THSD4: variants seen among roughly 807,000 people sequenced by gnomAD.
THSD4 encodes the protein thrombospondin type 1 domain containing 4.
In THSD4, 69 loss-of-function variants were observed where a neutral mutation model predicts 119.0. That is an observed-to-expected ratio of 0.58 (90% CI 0.48 to 0.71). THSD4 has a LOEUF of 0.71. THSD4 is among the 30% of genes least tolerant of loss of function. The pLI is 0.00. For missense variants in THSD4, 1,393 were observed against 1,391.1 expected (o/e 1.00, Z -0.02); for synonymous variants, 524 against 540.4 (o/e 0.97, Z 0.42).
rs142498996 is a variant in THSD4 at position 71,439,419 on chromosome 15, G to A, written c.1152+27596G>A. ...AGGAACACTTTTACACTGTTGGTGG[G>A]AGTGTAAATTAGTTCAACCATTGTG... On this transcript the variant is annotated intron_variant, in intron 7 of 17. Transcript: ENST00000261862. Among the ~76,000 whole-genome samples the A allele has an allele frequency of 8.6e-3, 1,314 of 152,304 alleles. 20 individuals carry two copies. The highest frequency in any genetic ancestry group is 0.03 in the African/African-American group (1,251 of 41,546).
At chr15:71,339,786 A>T (rs547412593) in intron 6 of THSD4, among the ~76,000 whole-genome samples, 2 of 151,542 alleles carry the variant, frequency 1.3e-5, no homozygotes, top group African/African-American at 2.4e-5. Context: ...TTTTTTTGAG[A>T]TGGAGTCTTA....
intron 8 of THSD4, among the ~76,000 whole-genome samples, chr15:71,703,294 A>G (rs55675005): frequency 0.28 from 42,626 of 152,098 alleles, 6,623 homozygotes; most frequent in African/African-American, 0.41. Flanking sequence ...TTCTTATGTG[A>G]TTATCTCATC....
chr15:71,742,654 T>A (rs941420498), intron 11 of THSD4, among the ~76,000 whole-genome samples: 8 of 152,310 alleles, frequency 5.3e-5, no homozygotes, highest in African/African-American at 1.4e-4. Flanking sequence ...AGAGGAATAA[T>A]TGAATTGCAA....
intron 8 of THSD4, among the ~76,000 whole-genome samples, chr15:71,680,559 C>A (rs2051752002): frequency 6.6e-6 from 1 of 152,178 alleles, no homozygotes; most frequent in Non-Finnish European, 1.5e-5. Context: ...ATTGCTAGGT[C>A]CTCCTTAACT....
chr15:71,399,290 T>G (rs183005531), intron 6 of THSD4, among the ~76,000 whole-genome samples: 15 of 152,280 alleles, frequency 9.9e-5, no homozygotes, highest in African/African-American at 3.6e-4. Context: ...TTAATTTATA[T>G]AAAGGGTCTA....
chr15:71,433,800 CTG>C (rs2046971696), intron 7 of THSD4, among the ~76,000 whole-genome samples: 2 of 152,144 alleles, frequency 1.3e-5, no homozygotes, highest in Non-Finnish European at 2.9e-5. Flanking sequence ...TGCCCTGTAG[CTG>C]ATGGCCCAGG....
chr15:71,523,705 A>T (rs949425029), intron 7 of THSD4, among the ~76,000 whole-genome samples: 2 of 152,190 alleles, frequency 1.3e-5, no homozygotes, highest in African/African-American at 4.8e-5. Context: ...GGGAATAAAG[A>T]GGAGGAAATG....
chr15:71,153,773 A>G (rs1488820330), intron 2 of THSD4, among the ~76,000 whole-genome samples: 1 of 152,210 alleles, frequency 6.6e-6, no homozygotes, highest in Non-Finnish European at 1.5e-5. Context: ...CCACTATATT[A>G]TTTAACTTAG....
chr15:71,378,920 A>T (rs1356137006), intron 6 of THSD4, among the ~76,000 whole-genome samples: 1 of 152,096 alleles, frequency 6.6e-6, no homozygotes, highest in African/African-American at 2.4e-5. Flanking sequence ...AGTAGCTGGG[A>T]CTACAGTTGC....
chr15:71,532,429 G>A (rs928639132), intron 7 of THSD4, among the ~76,000 whole-genome samples: 1 of 151,634 alleles, frequency 6.6e-6, no homozygotes, highest in Non-Finnish European at 1.5e-5. Flanking sequence ...TCCTACCCCA[G>A]CCTCCTGAGT....
intron 6 of THSD4, among the ~76,000 whole-genome samples, chr15:71,280,718 TTCTG>T (rs1454418394): frequency 6.6e-6 from 1 of 152,188 alleles, no homozygotes; most frequent in African/African-American, 2.4e-5. Flanking sequence ...CTTTGCCCTG[TTCTG>T]TCTTTCATGG....
At chr15:71,429,916 T>C (rs1429128597) in intron 7 of THSD4, among the ~76,000 whole-genome samples, 1 of 152,200 alleles carries the variant, frequency 6.6e-6, no homozygotes, top group African/African-American at 2.4e-5. Flanking sequence ...CAAACAGATC[T>C]TTAATAAGAG....
chr15:71,526,968 A>T (rs112418372), intron 7 of THSD4, among the ~76,000 whole-genome samples: 1 of 152,300 alleles, frequency 6.6e-6, no homozygotes, highest in African/African-American at 2.4e-5. Context: ...CTTGGTCTGA[A>T]TCTTCCCCAA....
intron 7 of THSD4, among the ~76,000 whole-genome samples, chr15:71,542,434 G>C (rs1231323954): frequency 6.6e-6 from 1 of 152,078 alleles, no homozygotes; most frequent in Non-Finnish European, 1.5e-5. Context: ...GATACCACCT[G>C]AACCACATGG....
intron 8 of THSD4, among the ~76,000 whole-genome samples, chr15:71,681,297 G>C (rs2051770826): frequency 6.6e-6 from 1 of 152,178 alleles, no homozygotes; most frequent in South Asian, 2.1e-4. Context: ...ATTGTGCTTT[G>C]AGACTTTGTC....
upstream of THSD4, chr15:71,111,892 C>T (rs886851563): frequency 3.5e-5 from 19 of 549,682 alleles, no homozygotes; most frequent in South Asian, 4.7e-4. Flanking sequence ...AGAGATGTTT[C>T]GCTGGTAAAA....
rs544021231 is a variant in THSD4, at chr15:71,399,227, A to G, written c.1016-12460A>G. 8.6e-4 allele frequency among the ~76,000 whole-genome samples: 131 copies of G among 152,282 alleles called. 1 individual carries two copies. Among genetic ancestry groups the G allele is most frequent in the African/African-American group, 3.1e-3 (127 of 41,556 alleles). ...ACCATGTGGTTGTGACCAAGTCACT[A>G]AGCTTGTGTGAGCCTTAGGTTCCTT... On this transcript the variant is annotated intron_variant, in intron 6 of 17. Transcript: ENST00000261862.
Position 71,618,123 on chromosome 15 carries a change from G to A in THSD4, c.1153-42407G>A, listed in dbSNP as rs1306738749. Among the ~76,000 whole-genome samples, 3 of 152,198 alleles carry A rather than the reference G, an allele frequency of 2.0e-5. No homozygotes were observed. The East Asian group carries it at 5.8e-4, about 29-fold the overall frequency. On this transcript the variant is annotated intron_variant, in intron 7 of 17. Coordinates refer to ENST00000261862, the MANE Select transcript of THSD4 (RefSeq NM_024817.3). ...GAAATATCCAAAGTGGTCTTCTGAA[G>A]AAAAGTATGATGCTCTTTGAACCCT...
chr15:71,649,889 T>C (rs1246448494), intron 7 of THSD4, among the ~76,000 whole-genome samples: 1 of 152,232 alleles, frequency 6.6e-6, no homozygotes, highest in Non-Finnish European at 1.5e-5. Flanking sequence ...GTTCATTTGC[T>C]CTTCAACCAT....
Sources: allele counts gnomAD v4.1 joint callset (sites outside exome capture counted in the v4.1 genomes callset), GRCh38; gene constraint gnomAD v4.1.1; transcripts MANE v1.5; gene names NCBI Gene and HGNC (gene_info 2026-07-23, HGNC 2026-07-21).